SLC26A9: variants seen among roughly 807,000 people sequenced by gnomAD.
SLC26A9 encodes the protein anion transporter/exchanger protein 9.
SLC26A9 carries 46 observed loss-of-function variants against 87.1 expected under a neutral mutation model. The ratio of observed to expected loss-of-function variants is 0.53; its 90% CI spans 0.42 to 0.67. SLC26A9 has a LOEUF of 0.67. Among genes scored for constraint, SLC26A9 ranks in the 30% least tolerant of loss-of-function variants. The pLI is 0.00. For synonymous variants in SLC26A9, 437 were observed against 409.1 expected, an observed-to-expected ratio of 1.07 and a Z score of -0.82; for missense variants, 927 against 1,018.3, an observed-to-expected ratio of 0.91 and a Z score of 1.22.
Position 205,923,104 on chromosome 1 carries a change from C to A in SLC26A9, c.1751G>T (p.Arg584Met). The A allele has an allele frequency of 1.9e-6, 3 of 1,614,050 alleles. No homozygotes were observed. The highest frequency in any genetic ancestry group is 2.5e-6 in the Non-Finnish European group (3 of 1,180,010). Residue 584 changes from arginine (R) to methionine (M), a missense_variant, in exon 16 of 21, where the codon AGG (arginine) becomes ATG (methionine). Arg to Met is a moderately conservative substitution (Grantham distance 91). Transcript: ENST00000367135. The stretch of plus-strand genomic sequence containing the variant: ...CACCTTGGTTTTCATGAATAGAGAC[C>A]TCCTCTGTTGTGTGGGCCTCATTCT... Reference protein sequence around the residue: ...KRRMRPTQQRRSLFMKTKTVS... With the variant: ...KRRMRPTQQRMSLFMKTKTVS...
chr1:205,939,810 A>G (rs1262727485), intron 1 of SLC26A9, among the ~76,000 whole-genome samples: 1 of 152,114 alleles, frequency 6.6e-6, no homozygotes, highest in Non-Finnish European at 1.5e-5. Context: ...GAACATAACA[A>G]TCTGATCCCC....
chr1:205,923,266 C>G (rs138212410), intron 15 of SLC26A9, 69 bp downstream of exon 15: 3 of 1,608,200 alleles, frequency 1.9e-6, no homozygotes, highest in African/African-American at 2.7e-5. Flanking sequence ...CAGCTCCCAC[C>G]GCCCTTCTGC....
At chr1:205,941,322 T>C (rs1401553404) in intron 1 of SLC26A9, among the ~76,000 whole-genome samples, 1 of 152,058 alleles carries the variant, frequency 6.6e-6, no homozygotes, top group East Asian at 1.9e-4. Flanking sequence ...GTGCGCGCCA[T>C]GACACCCAGC....
intron 1 of SLC26A9, among the ~76,000 whole-genome samples, chr1:205,938,539 G>A (rs1659611856): frequency 6.6e-6 from 1 of 152,014 alleles, no homozygotes; most frequent in African/African-American, 2.4e-5. Flanking sequence ...GTGGATTCAG[G>A]AAATCTGTTG....
chr1:205,929,393 C>A, intron 6 of SLC26A9, 37 bp from the exon 7 acceptor site: 2 of 1,605,266 alleles, frequency 1.2e-6, no homozygotes, highest in South Asian at 1.1e-5. Context: ...GGCTCCCACC[C>A]CTTCTTCCCA....
chr1:205,917,856 C>G lies in SLC26A9; in HGVS notation c.2257-502G>C, dbSNP rs371793540. On this transcript the variant is annotated intron_variant, in intron 19 of 20. Transcript: ENST00000367135. ...ATGACTAATCAAGTATACATACCAA[C>G]TAGAGTAGCTGAACATGATTAGGGC... Among the ~76,000 whole-genome samples the G allele has an allele frequency of 5.3e-5, 8 of 152,102 alleles. No individual in the cohort carries two copies. The East Asian group carries it at 9.6e-4, about 18-fold the overall frequency.
At position 205,915,547 on chromosome 1, in the gene SLC26A9, T is replaced by C. The variant is rs574128121; in HGVS notation, c.2329-143A>G. The C allele has an allele frequency of 5.0e-4, 465 of 923,274 alleles. 5 individuals carry two copies. The highest frequency in any genetic ancestry group is 4.7e-3 in the Middle Eastern group (14 of 2,994). 57.2% of individuals were successfully genotyped at this position (923,274 alleles called of 1,614,324 possible). A position where few individuals can be genotyped will look rare whatever the true frequency, so the allele number is the denominator to read the frequency against. ...GTGTGTGTGTGTGTGTGTGTGTGTG[T>C]GCGAGAGTGTGTGTGAACAGGGGAG... On this transcript the variant is annotated intron_variant, in intron 20 of 20. Transcript: ENST00000367135.
intron 12 of SLC26A9, among the ~76,000 whole-genome samples, chr1:205,925,234 C>T (rs774560372): frequency 8.5e-5 from 13 of 152,224 alleles, no homozygotes; most frequent in Non-Finnish European, 1.9e-4. Flanking sequence ...TGTGAGTTCC[C>T]TCTCTCTGTC....
chr1:205,935,657 G>C, intron 2 of SLC26A9, 39 bp downstream of exon 2: 1 of 1,612,736 alleles, frequency 6.2e-7, no homozygotes, highest in South Asian at 1.1e-5. Flanking sequence ...TTTTGGTAGG[G>C]AGCAGAGGAG....
chr1:205,928,544 A>G (rs1432017966), intron 8 of SLC26A9, among the ~76,000 whole-genome samples: 4 of 152,342 alleles, frequency 2.6e-5, no homozygotes, highest in East Asian at 1.9e-4. Flanking sequence ...CAAGGCAAAG[A>G]GCCAGCAAGC....
rs148978548 is a variant in SLC26A9, at chr1:205,927,917, G to A, written c.1086C>T (p.Asp362=). ...GRTLANKHGY[D]VDSNQEMIAL... is the part of the protein sequence containing the mutation. ...CCAGAGCTACCTGGTTCGAATCCAC[G>A]TCGTAGCCGTGCTTGTTGGCCAGGG... The change falls in exon 9 of 21, where the codon GAC becomes GAT. Residue 362 remains aspartate, a synonymous_variant. Transcript: ENST00000367135. The A allele has an allele frequency of 1.7e-5, 27 of 1,614,010 alleles. No homozygotes were observed. Among genetic ancestry groups the A allele is most frequent in the Middle Eastern group, 1.6e-4 (1 of 6,080 alleles).
Position 205,923,710 on chromosome 1 carries a change from A to G in SLC26A9, c.1497-97T>C, listed in dbSNP as rs1181157549. 5.2e-6 allele frequency: 7 copies of G among 1,352,834 alleles called. No individual in the cohort carries two copies. In the African/African-American group the frequency reaches 8.6e-5, roughly 17 times the overall value. The allele number at this position is 1,352,834 out of a possible 1,614,324, so 83.8% of individuals were successfully genotyped here. A position where few individuals can be genotyped will look rare whatever the true frequency, so the allele number is the denominator to read the frequency against. On this transcript the variant is annotated intron_variant, in intron 13 of 20. Transcript: ENST00000367135. ...GGGGCGGGGGCAGAGCCAAGGTAGG[A>G]TGGGGTCCTGTCCTCACCCCCAGAC...
In SLC26A9 at chr1:205,924,371, G is replaced by T; in HGVS notation, c.1496+12C>A. The T allele has an allele frequency of 6.2e-7, 1 of 1,613,106 alleles. No homozygotes were observed. The highest frequency in any genetic ancestry group is 8.5e-7 in the Non-Finnish European group (1 of 1,179,122). On this transcript the variant is annotated intron_variant, in intron 13 of 20. Transcript: ENST00000367135. ...CGACTGTGGGCCTAGGAGGGCGGAA[G>T]CTATCACTTACAACTGAGTCTGGAA...
intron 18 of SLC26A9, 40 bp from the exon 19 acceptor site, chr1:205,919,025 A>C (rs764099137): frequency 3.1e-6 from 5 of 1,608,674 alleles, no homozygotes; most frequent in Non-Finnish European, 4.3e-6. Context: ...GATAACAGCC[A>C]TTGTGGATTG....
At chr1:205,931,751 G>T in intron 5 of SLC26A9, 109 bp downstream of exon 5, 1 of 1,406,986 alleles carries the variant, frequency 7.1e-7, no homozygotes, top group Non-Finnish European at 9.5e-7. Flanking sequence ...ACAGGCATGA[G>T]CCTCCACACC....
At chr1:205,926,711 T>G in intron 11 of SLC26A9, 81 bp from the exon 12 acceptor site, 1 of 1,134,714 alleles carries the variant, frequency 8.8e-7, no homozygotes, top group Non-Finnish European at 1.3e-6. Flanking sequence ...CCCCAAGGCC[T>G]GGCAGGACAG....
chr1:205,923,251 A>G (rs996696951), intron 15 of SLC26A9, 56 bp from the exon 16 acceptor site: 2 of 1,609,984 alleles, frequency 1.2e-6, no homozygotes, highest in African/African-American at 1.3e-5. Flanking sequence ...GGAGTGGCCT[A>G]TTCTCAGCTC....
At chr1:205,915,515 CA>C in intron 20 of SLC26A9, 111 bp from the exon 21 acceptor site, 1 of 1,308,618 alleles carries the variant, frequency 7.6e-7, no homozygotes, top group African/African-American at 2.1e-5. Flanking sequence ...CAGAACAAAG[CA>C]CCTGTGTGTG....
intron 13 of SLC26A9, 37 bp from the exon 14 acceptor site, chr1:205,923,650 C>A (rs776079846): frequency 6.2e-7 from 1 of 1,613,328 alleles, no homozygotes; most frequent in South Asian, 1.1e-5. Context: ...TAAGAGAATG[C>A]TAATGGCACA....
Sources: gnomAD v4.1 joint callset for allele counts (sites outside exome capture counted in the v4.1 genomes callset) on GRCh38, gnomAD v4.1.1 for gene constraint, MANE v1.5 for transcripts, NCBI Gene and HGNC (gene_info 2026-07-23, HGNC 2026-07-21) for gene names.